CDK14: variants seen among roughly 807,000 people sequenced by gnomAD.
CDK14 encodes the protein cyclin dependent kinase 14.
In CDK14, 34 loss-of-function variants were observed where a neutral mutation model predicts 60.7. The observed-to-expected ratio is 0.56, with a 90% CI of 0.43 to 0.75. The LOEUF (loss-of-function observed/expected upper bound fraction) is 0.75. Among genes scored for constraint, CDK14 ranks in the 30% least tolerant of loss-of-function variants. CDK14 has a pLI of 0.00. For synonymous variants in CDK14, 197 were observed against 203.7 expected, an observed-to-expected ratio of 0.97 and a Z score of 0.28; for missense variants, 482 against 564.1, an observed-to-expected ratio of 0.85 and a Z score of 1.47.
intron 4 of CDK14, among the ~76,000 whole-genome samples, chr7:90,767,282 G>T (rs1220314620): frequency 6.6e-6 from 1 of 152,178 alleles, no homozygotes; most frequent in Non-Finnish European, 1.5e-5. Context: ...CCTATTTCTT[G>T]ACCAAAGCAC....
intron 11 of CDK14, among the ~76,000 whole-genome samples, chr7:91,060,760 G>A (rs141772368): frequency 0.011 from 1,663 of 152,286 alleles, 17 homozygotes; most frequent in Non-Finnish European, 0.017. Context: ...AGTTTCTGCC[G>A]AGAGATCAGC....
intron 5 of CDK14, among the ~76,000 whole-genome samples, chr7:90,829,044 A>G (rs1413158329): frequency 6.6e-6 from 1 of 152,156 alleles, no homozygotes; most frequent in East Asian, 1.9e-4. Context: ...GCAGCAGGAG[A>G]GAGAAACAGA....
chr7:90,815,075 A>C (rs1480396738), intron 5 of CDK14, among the ~76,000 whole-genome samples: 2 of 152,050 alleles, frequency 1.3e-5, no homozygotes, highest in African/African-American at 4.8e-5. Context: ...TTATTTGTGT[A>C]CACTTACCTT....
intron 14 of CDK14, among the ~76,000 whole-genome samples, chr7:91,193,586 G>C (rs144314314): frequency 2.8e-4 from 43 of 152,250 alleles, no homozygotes; most frequent in African/African-American, 1.0e-3. Flanking sequence ...ATTAAAGGAA[G>C]TGAATGGAAG....
At chr7:90,658,022 G>A (rs997929591) in intron 2 of CDK14, among the ~76,000 whole-genome samples, 2 of 152,048 alleles carry the variant, frequency 1.3e-5, no homozygotes, top group Non-Finnish European at 2.9e-5. Context: ...AGATTTGTCT[G>A]ACTTTTTTTA....
intron 14 of CDK14, among the ~76,000 whole-genome samples, chr7:91,172,330 C>T (rs2115809260): frequency 6.6e-6 from 1 of 152,284 alleles, no homozygotes; most frequent in East Asian, 1.9e-4. Context: ...GCCACCAGGA[C>T]CTGTTCATTT....
chr7:91,031,036 C>T (rs921393459), intron 10 of CDK14, among the ~76,000 whole-genome samples: 3 of 152,188 alleles, frequency 2.0e-5, no homozygotes, highest in African/African-American at 7.2e-5. Flanking sequence ...TTGGCTCTGT[C>T]GTCCTTTTTG....
rs187887590 is a variant in CDK14 at position 90,701,059 on chromosome 7, G to A, written c.124-25508G>A. Among the ~76,000 whole-genome samples the A allele has an allele frequency of 3.3e-5, 5 of 152,140 alleles. No homozygotes were observed. The East Asian group carries it at 5.8e-4, about 18-fold the overall frequency. ...CACAAATCCCTAGTGTACTTCTTTG[G>A]CTTTTTCCAAAATCCCCTCGATATT... On this transcript the variant is annotated intron_variant, in intron 2 of 14. Coordinates refer to ENST00000380050, the MANE Select transcript of CDK14 (RefSeq NM_001287135.2).
At chr7:90,704,433 A>G (rs1249287431) in intron 2 of CDK14, among the ~76,000 whole-genome samples, 1 of 152,222 alleles carries the variant, frequency 6.6e-6, no homozygotes, top group Non-Finnish European at 1.5e-5. Flanking sequence ...GAATGCAGAG[A>G]TGAAGAAAAT....
chr7:90,879,684 G>A (rs989162008), intron 6 of CDK14, among the ~76,000 whole-genome samples: 1 of 152,060 alleles, frequency 6.6e-6, no homozygotes, highest in African/African-American at 2.4e-5. Context: ...CATGGCACAT[G>A]TATACCTACG....
intron 9 of CDK14, among the ~76,000 whole-genome samples, chr7:90,963,492 T>C (rs1794663870): frequency 6.6e-6 from 1 of 152,098 alleles, no homozygotes; most frequent in African/African-American, 2.4e-5. Context: ...ACTGGTGCTT[T>C]CGTGTTGTAA....
At chr7:91,090,371 C>T (rs934555187) in intron 12 of CDK14, among the ~76,000 whole-genome samples, 4 of 152,144 alleles carry the variant, frequency 2.6e-5, no homozygotes, top group Non-Finnish European at 5.9e-5. Context: ...CAAGAATGTT[C>T]GCTATCTTCA....
At chr7:90,889,323 G>A (rs912905535) in intron 6 of CDK14, among the ~76,000 whole-genome samples, 13 of 152,204 alleles carry the variant, frequency 8.5e-5, no homozygotes, top group African/African-American at 2.9e-4. Flanking sequence ...TATCCATGAT[G>A]TCATTGCCAG....
chr7:90,723,344 C>G (rs946410818), intron 2 of CDK14, among the ~76,000 whole-genome samples: 18 of 152,122 alleles, frequency 1.2e-4, no homozygotes, highest in African/African-American at 4.3e-4. Flanking sequence ...GGCTCAGGGT[C>G]TCTTATGAGA....
intron 2 of CDK14, among the ~76,000 whole-genome samples, chr7:90,676,992 A>T (rs1280322670): frequency 6.6e-6 from 1 of 151,840 alleles, no homozygotes; most frequent in Non-Finnish European, 1.5e-5. Flanking sequence ...TTGAAGAATG[A>T]AGGGAAGTAA....
rs780389516 is a variant in CDK14, at chr7:91,045,912, A to C, written c.1057A>C (p.Asn353His). The C allele has an allele frequency of 6.2e-7, 1 of 1,610,856 alleles. No homozygotes were observed. Among genetic ancestry groups the C allele is most frequent in the Admixed American group, 1.7e-5 (1 of 59,980 alleles). The change falls in exon 11 of 15, where the codon AAT becomes CAT. Residue 353 changes from asparagine to histidine, a missense_variant. Asn to His is a moderately conservative substitution (Grantham distance 68). Coordinates refer to ENST00000380050, the MANE Select transcript of CDK14 (RefSeq NM_001287135.2). ...ERIFLVLGTP[N>H]EDTWPGVHSL... The stretch of plus-strand genomic sequence containing the variant: ...TCTCCACTAGGTTCTTGGAACACCA[A>C]ATGAGGACACATGGCCTGGAGTTCA...
At chr7:90,828,520 A>T (rs555943747) in intron 5 of CDK14, among the ~76,000 whole-genome samples, 4 of 151,852 alleles carry the variant, frequency 2.6e-5, no homozygotes, top group African/African-American at 4.8e-5. Flanking sequence ...TTTGTTTAAT[A>T]TTTTTTTTCC....
chr7:91,185,889 A>G (rs1802163141), intron 14 of CDK14, among the ~76,000 whole-genome samples: 1 of 152,028 alleles, frequency 6.6e-6, no homozygotes, highest in African/African-American at 2.4e-5. Context: ...ATTGGCTGTC[A>G]CTTTCTATTC....
intron 14 of CDK14, among the ~76,000 whole-genome samples, chr7:91,140,530 C>T (rs1381440649): frequency 6.6e-6 from 1 of 152,158 alleles, no homozygotes; most frequent in Non-Finnish European, 1.5e-5. Flanking sequence ...TGGTGGTAGA[C>T]TTGATTCAGT....
Sources: gnomAD v4.1 joint callset for allele counts (sites outside exome capture counted in the v4.1 genomes callset) on GRCh38, gnomAD v4.1.1 for gene constraint, MANE v1.5 for transcripts, NCBI Gene and HGNC (gene_info 2026-07-23, HGNC 2026-07-21) for gene names.